Variants in TDRD15 observed in about 807,000 individuals in gnomAD.
TDRD15 encodes tudor domain-containing protein 15.
For missense variants in TDRD15, 1,416 were observed against 904.7 expected, an observed-to-expected ratio of 1.57 and a Z score of -7.25; for synonymous variants, 503 against 314.5, an observed-to-expected ratio of 1.60 and a Z score of -6.34.
Position 21,142,046 on chromosome 2 carries a change from C to G in TDRD15, c.4579C>G (p.Gln1527Glu), listed in dbSNP as rs1665945474. Residue 1527 changes from glutamine to glutamate, a missense_variant, in exon 4 of 4, where the codon CAA becomes GAA. Transcript: ENST00000405799. ...TCCTTTGGAAGAATTCAAACTTGGA[C>G]AACTTGAAAAAGCTGAAATGCTTAA... ...KIPLEEFKLG[Q>E]LEKAEMLNVS... 2.9e-6 allele frequency: 2 copies of G among 699,956 alleles called. No individual in the cohort carries two copies. The highest frequency in any genetic ancestry group is 5.3e-6 in the Non-Finnish European group (2 of 380,034). The allele number at this position is 699,956 out of a possible 1,614,324, so 43.4% of individuals were successfully genotyped here.
At chr2:21,135,468 A>G (rs926433273) in intron 3 of TDRD15, among the ~76,000 whole-genome samples, 4 of 151,840 alleles carry the variant, frequency 2.6e-5, no homozygotes, top group African/African-American at 4.8e-5. Flanking sequence ...AAATTTTCCT[A>G]TGTGCCAATT....
rs774050633 is a variant in TDRD15 at position 21,142,210 on chromosome 2, C to T, written c.4743C>T (p.Cys1581=). ...SMESIEKGLE[C]LAKSKNTLKW... ...AAAGTATTGAAAAAGGTTTAGAATG[C>T]TTGGCAAAATCTAAAAATACCTTGA... The change falls in exon 4 of 4, where the codon TGC becomes TGT. Residue 1581 remains cysteine, a synonymous_variant. Coordinates refer to ENST00000405799, the MANE Select transcript of TDRD15 (RefSeq NM_001306137.2). The T allele has an allele frequency of 4.3e-6, 3 of 691,026 alleles. No homozygotes were observed. Among genetic ancestry groups the T allele is most frequent in the African/African-American group, 3.6e-5 (2 of 55,400 alleles). The allele number at this position is 691,026 out of a possible 1,614,324, so 42.8% of individuals were successfully genotyped here. A position where few individuals can be genotyped will look rare whatever the true frequency, so the allele number is the denominator to read the frequency against.
At chr2:21,137,433 T>C (rs1665829088) in intron 3 of TDRD15, 32 bp from the exon 4 acceptor site, 2 of 586,524 alleles carry the variant, frequency 3.4e-6, no homozygotes, top group African/African-American at 1.9e-5. Flanking sequence ...TTAACTTTGA[T>C]AGCTAATGAG....
rs1665725400 is a variant in TDRD15, at chr2:21,131,930, T to C, written c.-89-2832T>C. 3.3e-5 allele frequency among the ~76,000 whole-genome samples: 5 copies of C among 152,178 alleles called. No homozygotes were observed. In the South Asian group the frequency reaches 8.3e-4, roughly 25 times the overall value. ...AGGTTTGAGAACCACTAGTTTAATA[T>C]AACTTTTTTGTTGCTTTTGGTAGAG... On this transcript the variant is annotated intron_variant, in intron 2 of 3. Coordinates refer to ENST00000405799, the MANE Select transcript of TDRD15 (RefSeq NM_001306137.2).
Position 21,141,127 on chromosome 2 carries a change from G to A in TDRD15, c.3660G>A (p.Val1220=). ...KPSVCYKMEP[V]SKNKMKTSLN... is the part of the protein sequence containing the mutation. ...CAGTTTGTTATAAAATGGAACCTGT[G>A]TCAAAAAACAAAATGAAGACTTCTT... Residue 1220 remains valine (V), a synonymous_variant, in exon 4 of 4, where the codon GTG becomes GTA. Transcript: ENST00000405799. The A allele has an allele frequency of 1.4e-6, 1 of 711,382 alleles. No homozygotes were observed. The allele number at this position is 711,382 out of a possible 1,614,324, so 44.1% of individuals were successfully genotyped here. A position where few individuals can be genotyped will look rare whatever the true frequency, so the allele number is the denominator to read the frequency against.
chr2:21,131,863 T>G (rs1453017197), intron 2 of TDRD15, among the ~76,000 whole-genome samples: 1 of 152,200 alleles, frequency 6.6e-6, no homozygotes, highest in Non-Finnish European at 1.5e-5. Flanking sequence ...CTCTTTGAGA[T>G]CTTCAGTGAT....
downstream of TDRD15, among the ~76,000 whole-genome samples, chr2:21,145,870 G>A (rs896902742): frequency 3.0e-4 from 46 of 151,812 alleles, no homozygotes; most frequent in Admixed American, 1.2e-3. Context: ...AGGGTCTTAC[G>A]TACTAAAAAA....
At position 21,138,526 on chromosome 2, in the gene TDRD15, A is replaced by C. The variant is rs1007447153; in HGVS notation, c.1059A>C (p.Pro353=). Reference sequence around the variant, plus strand: ...TTTTAGTACCATTATTTTCATTTCCATGTTCTCTGACATGTTTGCACAGTC... The same window carrying C: ...TTTTAGTACCATTATTTTCATTTCCCTGTTCTCTGACATGTTTGCACAGTC... ...DFILVPLFSF[P]CSLTCLHSPD... Residue 353 remains proline (P), a synonymous_variant, in exon 4 of 4, where the codon CCA becomes CCC. Coordinates refer to ENST00000405799, the MANE Select transcript of TDRD15 (RefSeq NM_001306137.2). The C allele has an allele frequency of 2.8e-6, 2 of 715,840 alleles. No homozygotes were observed. The highest frequency in any genetic ancestry group is 3.5e-5 in the African/African-American group (2 of 57,164). 44.3% of individuals were successfully genotyped at this position (715,840 alleles called of 1,614,324 possible).
At position 21,141,771 on chromosome 2, in the gene TDRD15, A is replaced by G. The variant is rs1419999182; in HGVS notation, c.4304A>G (p.His1435Arg). 3 of 714,494 alleles carry G rather than the reference A, an allele frequency of 4.2e-6. No individual in the cohort carries two copies. The allele number at this position is 714,494 out of a possible 1,614,324, so 44.3% of individuals were successfully genotyped here. ...KTVDYFTSKV[H>R]NKTVYCEFLK... ...GTGGATTATTTTACTTCGAAAGTAC[A>G]TAACAAAACAGTTTATTGTGAATTT... The change falls in exon 4 of 4, where the codon CAT becomes CGT. Residue 1435 changes from histidine (H) to arginine (R), a missense_variant. Coordinates refer to ENST00000405799, the MANE Select transcript of TDRD15 (RefSeq NM_001306137.2).
chr2:21,130,025 C>G (rs554051453), intron 2 of TDRD15, among the ~76,000 whole-genome samples: 8 of 152,158 alleles, frequency 5.3e-5, no homozygotes, highest in Admixed American at 5.2e-4. Context: ...CAATCCTACT[C>G]CCTGATAACC....
Position 21,137,917 on chromosome 2 carries a change from A to C in TDRD15, c.450A>C (p.Ile150=), listed in dbSNP as rs939537628. 1.4e-6 allele frequency: 1 copy of C among 716,526 alleles called. No individual in the cohort carries two copies. Among genetic ancestry groups the C allele is most frequent in the Non-Finnish European group, 2.6e-6 (1 of 384,506 alleles). 44.4% of individuals were successfully genotyped at this position (716,526 alleles called of 1,614,324 possible). Residue 150 remains isoleucine, a synonymous_variant, in exon 4 of 4, where the codon ATA becomes ATC. Transcript: ENST00000405799. ...ALNYFKSLVG[I]QVKGYVQAIL... Reference sequence around the variant, plus strand: ...ATTATTTCAAGTCATTAGTAGGAATACAAGTGAAAGGTTATGTGCAAGCTA... The same window carrying C: ...ATTATTTCAAGTCATTAGTAGGAATCCAAGTGAAAGGTTATGTGCAAGCTA...
chr2:21,130,602 A>G (rs889601535), intron 2 of TDRD15, among the ~76,000 whole-genome samples: 1 of 152,118 alleles, frequency 6.6e-6, no homozygotes, highest in Admixed American at 6.6e-5. Flanking sequence ...ATTCTTTTGC[A>G]TGTGGGTATC....
chr2:21,135,939 C>T (rs1665798749), intron 3 of TDRD15, among the ~76,000 whole-genome samples: 1 of 151,960 alleles, frequency 6.6e-6, no homozygotes, highest in Admixed American at 6.6e-5. Context: ...TGGTTGTCTT[C>T]TATGTACTGT....
intron 2 of TDRD15, among the ~76,000 whole-genome samples, 170 bp from the exon 3 acceptor site, chr2:21,134,592 T>C (rs1321871019): frequency 6.6e-6 from 1 of 152,066 alleles, no homozygotes; most frequent in Non-Finnish European, 1.5e-5. Context: ...TAGTCTCATT[T>C]ACTGACTTCA....
chr2:21,130,326 T>G (rs1050108543), intron 2 of TDRD15, among the ~76,000 whole-genome samples: 7 of 152,354 alleles, frequency 4.6e-5, no homozygotes, highest in African/African-American at 1.7e-4. Context: ...GAAAATACTG[T>G]AAGCTGAAGA....
downstream of TDRD15, among the ~76,000 whole-genome samples, chr2:21,146,605 A>G (rs1227285776): frequency 6.6e-6 from 1 of 152,100 alleles, no homozygotes; most frequent in Non-Finnish European, 1.5e-5. Flanking sequence ...AAGCACAAGA[A>G]ATATCTGTTC....
intron 3 of TDRD15, among the ~76,000 whole-genome samples, chr2:21,137,092 A>G (rs1370301212): frequency 2.0e-5 from 3 of 151,968 alleles, no homozygotes; most frequent in African/African-American, 7.2e-5. Context: ...ACAGGAGGAG[A>G]AGGAGGTCCC....
At chr2:21,145,489 C>A (rs1666015931), downstream of TDRD15, among the ~76,000 whole-genome samples, 1 of 151,822 alleles carries the variant, frequency 6.6e-6, no homozygotes, top group African/African-American at 2.4e-5. Flanking sequence ...TATCTTATAG[C>A]ACTCCTAACA....
intron 2 of TDRD15, among the ~76,000 whole-genome samples, chr2:21,131,190 T>C (rs1260861945): frequency 6.6e-6 from 1 of 152,208 alleles, no homozygotes; most frequent in African/African-American, 2.4e-5. Flanking sequence ...TTTGATGGTA[T>C]CCCCAAATTT....
Sources: allele counts gnomAD v4.1 joint callset (sites outside exome capture counted in the v4.1 genomes callset), GRCh38; gene constraint gnomAD v4.1.1; transcripts MANE v1.5; gene names NCBI Gene and HGNC (gene_info 2026-07-23, HGNC 2026-07-21).